The following NCKAP1 variants were observed in gnomAD, a reference collection of about 807,000 sequenced individuals.
NCKAP1 encodes nck-associated protein 1.
NCKAP1 carries 21 observed loss-of-function variants against 151.2 expected under a neutral mutation model. The ratio of observed to expected loss-of-function variants is 0.14; its 90% CI spans 0.10 to 0.20. The LOEUF (loss-of-function observed/expected upper bound fraction) is 0.20. Among genes scored for constraint, NCKAP1 ranks in the 10% least tolerant of loss-of-function variants. The pLI is 1.00. For missense variants in NCKAP1, 933 were observed against 1,352.1 expected (o/e 0.69, Z 4.86); for synonymous variants, 484 against 451.8 (o/e 1.07, Z -0.90).
intron 15 of NCKAP1, among the ~76,000 whole-genome samples, chr2:182,975,623 C>G (rs1193108757): frequency 6.6e-6 from 1 of 152,110 alleles, no homozygotes; most frequent in Non-Finnish European, 1.5e-5. Flanking sequence ...AACAGCAAAA[C>G]AGGCCAGGCA....
At chr2:183,022,737 T>A (rs1303673859) in intron 2 of NCKAP1, 3 of 152,260 alleles carry the variant, frequency 2.0e-5, no homozygotes, top group African/African-American at 7.2e-5. Context: ...TATTAGTTCT[T>A]ACTAGCATTT....
At chr2:182,945,656 A>G (rs1697089017) in intron 23 of NCKAP1, among the ~76,000 whole-genome samples, 1 of 152,188 alleles carries the variant, frequency 6.6e-6, no homozygotes, top group Admixed American at 6.5e-5. Context: ...ATGCTCAAAC[A>G]TGCTGGTGAG....
At chr2:182,998,990 A>G (rs1698327972) in intron 6 of NCKAP1, among the ~76,000 whole-genome samples, 1 of 152,210 alleles carries the variant, frequency 6.6e-6, no homozygotes, top group East Asian at 1.9e-4. Context: ...AACGGTGCTG[A>G]AAGAAATCAC....
intron 17 of NCKAP1, 93 bp from the exon 18 acceptor site, chr2:182,962,371 A>T: frequency 7.9e-7 from 1 of 1,264,582 alleles, no homozygotes. Flanking sequence ...ATTAGGCTAA[A>T]GGTACATTCC....
At chr2:182,996,874 C>T (rs1698280852) in intron 6 of NCKAP1, among the ~76,000 whole-genome samples, 1 of 152,206 alleles carries the variant, frequency 6.6e-6, no homozygotes, top group Non-Finnish European at 1.5e-5. Flanking sequence ...CAGAACCCCA[C>T]AATCTACCAT....
rs774900528 is a variant in NCKAP1 at position 183,003,274 on chromosome 2, C to A, written c.271G>T (p.Ala91Ser). The change falls in exon 3 of 31, where the codon GCA (alanine) becomes TCA (serine). Residue 91 changes from alanine (A) to serine (S), a missense_variant. Coordinates refer to ENST00000361354, the MANE Select transcript of NCKAP1 (RefSeq NM_013436.5). ...KEKSEILKNL[A>S]LYYFTFVDVM... ...TCTACAAATGTGAAGTAATATAATG[C>A]CAGATTTTTCAGAATCTCTGATTTT... 3 of 1,596,662 alleles carry A rather than the reference C, an allele frequency of 1.9e-6. No individual in the cohort carries two copies. The highest frequency in any genetic ancestry group is 1.7e-6 in the Non-Finnish European group (2 of 1,171,064).
chr2:182,918,189 A>G lies in NCKAP1; in HGVS notation c.*7513T>C, dbSNP rs1330397077. ...TCCCTATTGAGTAATTTGGTTGTGG[A>G]GTTTAAATGAAGTAATGGATATGAA... On this transcript the variant is annotated 3_prime_UTR_variant, in exon 31 of 31. Transcript: ENST00000361354. 1 of 152,204 alleles carries G rather than the reference A, an allele frequency of 6.6e-6. No homozygotes were observed. The highest frequency in any genetic ancestry group is 2.4e-5 in the African/African-American group (1 of 41,460). 9.4% of individuals were successfully genotyped at this position (152,204 alleles called of 1,614,324 possible). A position where few individuals can be genotyped will look rare whatever the true frequency, so the allele number is the denominator to read the frequency against.
At chr2:182,976,561 C>A (rs1697828301) in intron 15 of NCKAP1, among the ~76,000 whole-genome samples, 2 of 152,068 alleles carry the variant, frequency 1.3e-5, no homozygotes, top group South Asian at 2.1e-4. Flanking sequence ...TTTGCTGATG[C>A]CCACAGTAGA....
intron 6 of NCKAP1, among the ~76,000 whole-genome samples, chr2:183,000,012 G>T (rs1698347649): frequency 6.6e-6 from 1 of 152,114 alleles, no homozygotes; most frequent in South Asian, 2.1e-4. Context: ...GGGAAGGAGA[G>T]GGATAAGAAC....
chr2:182,911,062 A>T lies in NCKAP1; in HGVS notation c.*14640T>A, dbSNP rs1326752364. The stretch of plus-strand genomic sequence containing the variant: ...GATGGGAGGTTGGGCACATCTCATT[A>T]TACCCCCTCCTCACTAACTACCATT... On this transcript the variant is annotated 3_prime_UTR_variant, in exon 31 of 31. Transcript: ENST00000361354. 6.6e-6 allele frequency: 1 copy of T among 150,916 alleles called. No homozygotes were observed. Among genetic ancestry groups the T allele is most frequent in the Non-Finnish European group, 1.5e-5 (1 of 67,838 alleles). The allele number at this position is 150,916 out of a possible 1,614,324, so 9.3% of individuals were successfully genotyped here. A position where few individuals can be genotyped will look rare whatever the true frequency, so the allele number is the denominator to read the frequency against.
chr2:183,036,570 G>C (rs1357576379), intron 1 of NCKAP1, among the ~76,000 whole-genome samples: 1 of 152,074 alleles, frequency 6.6e-6, no homozygotes, highest in African/African-American at 2.4e-5. Context: ...ATGCAGAGGG[G>C]CTTCTTTGTC....
chr2:182,983,279 G>A lies in NCKAP1; in HGVS notation c.1101+7C>T. On this transcript the variant is annotated splice_region_variant and intron_variant, in intron 11 of 30. Transcript: ENST00000361354. ...ACAATTATTGAAATAATAATTAAAT[G>A]AATTACCTTGGGACCTAGCAATCCA... The A allele has an allele frequency of 6.4e-7, 1 of 1,560,092 alleles. No individual in the cohort carries two copies. The highest frequency in any genetic ancestry group is 8.7e-7 in the Non-Finnish European group (1 of 1,143,686).
Position 182,982,807 on chromosome 2 carries a change from T to C in NCKAP1, c.1208+14A>G. ...TATATACAGAAAATATTTTTTTAAATGTTGCTAACTTACTTATCTATAAAG... is the reference window on the plus strand; with the variant it reads ...TATATACAGAAAATATTTTTTTAAACGTTGCTAACTTACTTATCTATAAAG... On this transcript the variant is annotated intron_variant, in intron 12 of 30. Coordinates refer to ENST00000361354, the MANE Select transcript of NCKAP1 (RefSeq NM_013436.5). 1 of 1,531,168 alleles carries C rather than the reference T, an allele frequency of 6.5e-7. No individual in the cohort carries two copies. The highest frequency in any genetic ancestry group is 8.9e-7 in the Non-Finnish European group (1 of 1,126,436). 94.8% of individuals were successfully genotyped at this position (1,531,168 alleles called of 1,614,324 possible).
intron 4 of NCKAP1, 142 bp from the exon 5 acceptor site, chr2:183,002,411 TA>T (rs1292266864): frequency 1.8e-5 from 11 of 597,150 alleles, no homozygotes; most frequent in Non-Finnish European, 2.7e-5. Flanking sequence ...TTCCTTTCAC[TA>T]AAAGCACATC....
chr2:182,962,029 C>T (rs1697464407), intron 18 of NCKAP1, 130 bp downstream of exon 18: 2 of 908,336 alleles, frequency 2.2e-6, no homozygotes, highest in South Asian at 2.0e-5. Flanking sequence ...TGGAGTTTCA[C>T]AGCAGAGGTT....
At chr2:182,967,399 C>CATAA in intron 15 of NCKAP1, 38 bp from the exon 16 acceptor site, 1 of 1,542,622 alleles carries the variant, frequency 6.5e-7, no homozygotes, top group Non-Finnish European at 8.8e-7. Context: ...TTCAGGTAAA[C>CATAA]ATAAATGACT....
At chr2:182,959,589 A>C in intron 18 of NCKAP1, among the ~76,000 whole-genome samples, 1 of 152,310 alleles carries the variant, frequency 6.6e-6, no homozygotes, top group East Asian at 1.9e-4. Context: ...GATGTATCTC[A>C]AAATAATAAC....
chr2:182,992,717 G>C (rs887092632), intron 8 of NCKAP1, among the ~76,000 whole-genome samples: 2 of 152,120 alleles, frequency 1.3e-5, no homozygotes, highest in African/African-American at 4.8e-5. Flanking sequence ...GCTACGGCCA[G>C]ATAGTATTGT....
At chr2:183,037,846 C>T in intron 1 of NCKAP1, 146 bp downstream of exon 1, 1 of 583,992 alleles carries the variant, frequency 1.7e-6, no homozygotes, top group Non-Finnish European at 2.8e-6. Flanking sequence ...GCGGCGCATC[C>T]AGGCGACCCC....
Sources: allele counts gnomAD v4.1 joint callset (sites outside exome capture counted in the v4.1 genomes callset), GRCh38; gene constraint gnomAD v4.1.1; transcripts MANE v1.5; gene names NCBI Gene and HGNC (gene_info 2026-07-23, HGNC 2026-07-21).